Variants in CEP112 observed in about 807,000 individuals in gnomAD.
The protein encoded by CEP112 is centrosomal protein of 112 kDa.
In CEP112, 127 loss-of-function variants were observed where a neutral mutation model predicts 153.0. The ratio of observed to expected loss-of-function variants is 0.83; its 90% CI spans 0.72 to 0.96. The LOEUF (loss-of-function observed/expected upper bound fraction) is 0.96, where lower values mean the gene tolerates loss of function less well. Among genes scored for constraint, CEP112 ranks in the 40% least tolerant of loss-of-function variants. The pLI, the probability that CEP112 is intolerant of heterozygous loss-of-function variation, is 0.00. For synonymous variants in CEP112, 358 were observed against 374.4 expected (o/e 0.96, Z 0.51); for missense variants, 1,089 against 1,101.2 (o/e 0.99, Z 0.16).
chr17:66,155,683 C>G (rs1247237257), intron 4 of CEP112, among the ~76,000 whole-genome samples: 1 of 152,124 alleles, frequency 6.6e-6, no homozygotes, highest in Non-Finnish European at 1.5e-5. Flanking sequence ...AGTCTGAAGT[C>G]GACCTGGGAT....
intron 20 of CEP112, among the ~76,000 whole-genome samples, chr17:65,887,489 A>G (rs183358909): frequency 7.9e-5 from 12 of 152,320 alleles, no homozygotes; most frequent in African/African-American, 2.6e-4. Flanking sequence ...GATTTTAAGT[A>G]CTGTCTCCAT....
intron 21 of CEP112, among the ~76,000 whole-genome samples, chr17:65,821,512 A>AT (rs1568066820): frequency 3.8e-4 from 37 of 98,618 alleles, no homozygotes; most frequent in African/African-American, 1.2e-3. Context: ...ATATATATAT[A>AT]ATTATATATA....
chr17:66,096,228 T>G (rs752793615), intron 8 of CEP112, 23 bp downstream of exon 8: 15 of 1,522,580 alleles, frequency 9.9e-6, no homozygotes, highest in Non-Finnish European at 1.3e-5. Context: ...TCAATGGGTT[T>G]ATCAGCAATA....
chr17:65,980,668 T>G lies in CEP112; in HGVS notation c.1737-19070A>C, dbSNP rs188768261. Among the ~76,000 whole-genome samples, 6 of 152,318 alleles carry G rather than the reference T, an allele frequency of 3.9e-5. No individual in the cohort carries two copies. In the East Asian group the frequency reaches 1.2e-3, roughly 29 times the overall value. ...CTCCAATGTCACTTTGATCATATACTCTGTTACCAATTCTTCAACCATTGA... is the reference window on the plus strand; with the variant it reads ...CTCCAATGTCACTTTGATCATATACGCTGTTACCAATTCTTCAACCATTGA... On this transcript the variant is annotated intron_variant, in intron 17 of 26. Coordinates refer to ENST00000535342, the MANE Select transcript of CEP112 (RefSeq NM_001199165.4).
chr17:65,970,363 A>ATTACATGCACACATCATGCATGTAAT lies in CEP112; in HGVS notation c.1737-8766_1737-8765insATTACATGCATGATGTGTGCATGTAA. Among the ~76,000 whole-genome samples the ATTACATGCACACATCATGCATGTAAT allele has an allele frequency of 1.4e-5, 2 of 144,030 alleles. 1 individual carries two copies. The highest frequency in any genetic ancestry group is 4.0e-4 in the East Asian group (2 of 4,992). The allele number at this position is 144,030 out of a possible 152,430, so 94.5% of individuals were successfully genotyped here. A position where few individuals can be genotyped will look rare whatever the true frequency, so the allele number is the denominator to read the frequency against. On this transcript the variant is annotated intron_variant, in intron 17 of 26. Coordinates refer to ENST00000535342, the MANE Select transcript of CEP112 (RefSeq NM_001199165.4). ...ACATGCATGTGCACTATGTGCCTAT[A>ATTACATGCACACATCATGCATGTAAT]TTACATGCACACATCATGCATATAT...
At chr17:66,055,503 T>C (rs993520928) in intron 11 of CEP112, among the ~76,000 whole-genome samples, 1 of 152,210 alleles carries the variant, frequency 6.6e-6, no homozygotes, top group Admixed American at 6.5e-5. Context: ...AGTGACATGA[T>C]AGTAACTCAG....
intron 24 of CEP112, among the ~76,000 whole-genome samples, chr17:65,648,152 T>C (rs2189790): frequency 0.7 from 106,025 of 152,026 alleles, 38,510 homozygotes; most frequent in East Asian, 0.95. Context: ...TCCATTCCCA[T>C]CATCCTCAAA....
At chr17:66,111,532 T>C (rs2069044637) in intron 6 of CEP112, among the ~76,000 whole-genome samples, 1 of 152,156 alleles carries the variant, frequency 6.6e-6, no homozygotes, top group African/African-American at 2.4e-5. Flanking sequence ...TAAAAAAGGA[T>C]GAGATCATTT....
intron 18 of CEP112, among the ~76,000 whole-genome samples, chr17:65,945,829 T>C (rs958343099): frequency 6.6e-6 from 1 of 152,090 alleles, no homozygotes; most frequent in African/African-American, 2.4e-5. Flanking sequence ...GTATTTTTAG[T>C]AGAGATGGGG....
At chr17:66,082,846 A>G (rs1355460390) in intron 8 of CEP112, among the ~76,000 whole-genome samples, 1 of 151,328 alleles carries the variant, frequency 6.6e-6, no homozygotes, top group African/African-American at 2.4e-5. Flanking sequence ...AAAACTAGAT[A>G]TTAATATTAA....
chr17:65,682,002 C>CT (rs1373207540), intron 24 of CEP112, among the ~76,000 whole-genome samples: 18 of 149,604 alleles, frequency 1.2e-4, no homozygotes, highest in Non-Finnish European at 1.8e-4. Context: ...TTCTTTCTTT[C>CT]TTTTTTTTTG....
chr17:65,973,772 A>G (rs1475750307), intron 17 of CEP112, among the ~76,000 whole-genome samples: 3 of 152,168 alleles, frequency 2.0e-5, no homozygotes, highest in East Asian at 3.9e-4. Context: ...AGGAGAGAAC[A>G]AGAGAACGTT....
intron 4 of CEP112, among the ~76,000 whole-genome samples, chr17:66,173,925 T>A (rs2072352117): frequency 6.6e-6 from 1 of 152,088 alleles, no homozygotes; most frequent in African/African-American, 2.4e-5. Context: ...TCACTTTTAT[T>A]TATCTTTTTC....
intron 25 of CEP112, among the ~76,000 whole-genome samples, chr17:65,640,566 C>A (rs1463540691): frequency 6.6e-6 from 1 of 152,190 alleles, no homozygotes; most frequent in Admixed American, 6.5e-5. Flanking sequence ...ATGTAAAATA[C>A]ACCAGAATAA....
intron 21 of CEP112, among the ~76,000 whole-genome samples, chr17:65,751,952 TTCTATCTATCTATCTATCTATCTATCTA>T (rs60646634): frequency 6.9e-6 from 1 of 145,810 alleles, no homozygotes; most frequent in Non-Finnish European, 1.5e-5. Flanking sequence ...AATACAGTCC[TTCTATCTATCTATCTATCTATCTATCTA>T]TCTATCTATC....
At chr17:65,641,573 G>A (rs1211022405) in intron 24 of CEP112, among the ~76,000 whole-genome samples, 1 of 151,946 alleles carries the variant, frequency 6.6e-6, no homozygotes, top group African/African-American at 2.4e-5. Context: ...GACCAGCCTG[G>A]GCATCTCTAA....
At chr17:66,088,548 A>G (rs1445254843) in intron 8 of CEP112, among the ~76,000 whole-genome samples, 2 of 152,024 alleles carry the variant, frequency 1.3e-5, no homozygotes, top group Non-Finnish European at 2.9e-5. Flanking sequence ...CCAGGCTCCA[A>G]GCATAACGCA....
chr17:66,166,904 A>C (rs1322843876), intron 4 of CEP112, among the ~76,000 whole-genome samples: 9 of 23,396 alleles, frequency 3.8e-4, no homozygotes, highest in Admixed American at 6.6e-4. Flanking sequence ...ACTCCATCTC[A>C]AAAAAAAAAA....
In CEP112 at chr17:66,095,701, T is replaced by A. The variant is rs907829402; in HGVS notation, c.768+550A>T. On this transcript the variant is annotated intron_variant, in intron 8 of 26. Coordinates refer to ENST00000535342, the MANE Select transcript of CEP112 (RefSeq NM_001199165.4). The stretch of plus-strand genomic sequence containing the variant: ...AAAAAATAATGATAAGTCTGTGAGG[T>A]GATTCATATATCAAGCTCAATTTAG... Among the ~76,000 whole-genome samples, 37 of 152,180 alleles carry A rather than the reference T, an allele frequency of 2.4e-4. 1 individual carries two copies. The highest frequency in any genetic ancestry group is 1.5e-5 in the Non-Finnish European group (1 of 68,030).
Sources: gnomAD v4.1 joint callset for allele counts (sites outside exome capture counted in the v4.1 genomes callset) on GRCh38, gnomAD v4.1.1 for gene constraint, MANE v1.5 for transcripts, NCBI Gene and HGNC (gene_info 2026-07-23, HGNC 2026-07-21) for gene names.